The following SGIP1 variants were observed in gnomAD, a reference collection of about 807,000 sequenced individuals.
The protein encoded by SGIP1 is SH3GL interacting endocytic adaptor 1.
Under a neutral mutation model 107.5 loss-of-function variants are expected in SGIP1, and 38 were observed. The ratio of observed to expected loss-of-function variants is 0.35; its 90% CI spans 0.27 to 0.46. The LOEUF (loss-of-function observed/expected upper bound fraction) is 0.46. Ranked by LOEUF, SGIP1 falls within the 20% of genes least tolerant of loss-of-function variation. SGIP1 has a pLI of 1.00. For synonymous variants in SGIP1, 365 were observed against 366.1 expected (o/e 1.00, Z 0.03); for missense variants, 929 against 1,019.5 (o/e 0.91, Z 1.21).
At chr1:66,643,189 A>G (rs547102642) in intron 6 of SGIP1, among the ~76,000 whole-genome samples, 1 of 144,174 alleles carries the variant, frequency 6.9e-6, no homozygotes, top group Admixed American at 7.0e-5. Context: ...AAAGCATGTC[A>G]CACTGATGCA....
chr1:66,702,058 A>G (rs938289472), intron 18 of SGIP1, among the ~76,000 whole-genome samples: 1 of 152,204 alleles, frequency 6.6e-6, no homozygotes, highest in Non-Finnish European at 1.5e-5. Flanking sequence ...GATGCAGTGT[A>G]TCGCTGATGA....
chr1:66,735,738 T>G (rs2094204825), intron 21 of SGIP1, among the ~76,000 whole-genome samples: 1 of 62,202 alleles, frequency 1.6e-5, no homozygotes. Flanking sequence ...GAGAATGGCG[T>G]GAACCCGGGA....
chr1:66,675,432 C>A (rs1207701804), intron 12 of SGIP1, among the ~76,000 whole-genome samples: 2 of 151,842 alleles, frequency 1.3e-5, no homozygotes, highest in Non-Finnish European at 2.9e-5. Flanking sequence ...ATCACACTAG[C>A]TTTTTCGATA....
intron 7 of SGIP1, among the ~76,000 whole-genome samples, chr1:66,654,766 A>G (rs1242969283): frequency 6.6e-6 from 1 of 152,210 alleles, no homozygotes; most frequent in Non-Finnish European, 1.5e-5. Context: ...TGTCTAAAGG[A>G]CAGCCTCTAA....
Position 66,679,718 on chromosome 1 carries a change from A to T in SGIP1, c.780A>T (p.Pro260=), listed in dbSNP as rs1488969653. The T allele has an allele frequency of 1.2e-6, 2 of 1,604,500 alleles. No homozygotes were observed. Among genetic ancestry groups the T allele is most frequent in the Admixed American group, 3.5e-5 (2 of 57,318 alleles). Residue 260 remains proline (P), a synonymous_variant, in exon 14 of 25, where the codon CCA becomes CCT. Transcript: ENST00000371037. ...PLPPKNVPAT[P]PRTGSPLTIG... is the part of the protein sequence containing the mutation. ...CTCCAAAAAATGTACCAGCTACCCC[A>T]CCCCGAACAGGATCCCCCTTAACAA... is the stretch of plus-strand genomic sequence containing the variant.
chr1:66,615,570 A>G (rs2069078343), intron 1 of SGIP1, among the ~76,000 whole-genome samples: 1 of 152,228 alleles, frequency 6.6e-6, no homozygotes, highest in South Asian at 2.1e-4. Flanking sequence ...AAGGGCATAT[A>G]GAAAAGCATT....
intron 1 of SGIP1, among the ~76,000 whole-genome samples, chr1:66,549,712 T>C (rs1431484789): frequency 6.6e-6 from 1 of 152,182 alleles, no homozygotes; most frequent in Non-Finnish European, 1.5e-5. Flanking sequence ...AAAATGTTTT[T>C]TTACAATACT....
chr1:66,625,939 A>G (rs938194998), intron 2 of SGIP1, 29 bp downstream of exon 2: 1 of 1,588,846 alleles, frequency 6.3e-7, no homozygotes, highest in Non-Finnish European at 8.6e-7. Flanking sequence ...TGCCTCCTCG[A>G]AGAAGCTATT....
chr1:66,719,613 T>C lies in SGIP1; in HGVS notation c.1742+208T>C, dbSNP rs74085063. ...AAAAATGTATCAAGAGAATTTACTC[T>C]AGAAATCTTTGATTCCATTTTGGTT... On this transcript the variant is annotated intron_variant, in intron 19 of 24. Transcript: ENST00000371037. Among the ~76,000 whole-genome samples the C allele has an allele frequency of 3.3e-3, 502 of 152,318 alleles. 2 individuals carry two copies. Among genetic ancestry groups the C allele is most frequent in the African/African-American group, 0.011 (448 of 41,574 alleles).
rs1043032170 is a variant in SGIP1 at position 66,743,905 on chromosome 1, C to T, written c.*810C>T. 15 of 152,472 alleles carry T rather than the reference C, an allele frequency of 9.8e-5. No individual in the cohort carries two copies. The highest frequency in any genetic ancestry group is 3.3e-4 in the Admixed American group (5 of 15,278). 9.4% of individuals were successfully genotyped at this position (152,472 alleles called of 1,614,324 possible). ...TGAAGTCTTAACTACTTGCCCCTCT[C>T]TACAGTTTCGCAAATGTGGGGATTG... is the stretch of plus-strand genomic sequence containing the variant. On this transcript the variant is annotated 3_prime_UTR_variant, in exon 25 of 25. Coordinates refer to ENST00000371037, the MANE Select transcript of SGIP1 (RefSeq NM_032291.4).
At chr1:66,636,116 T>G in intron 4 of SGIP1, 101 bp downstream of exon 4, 1 of 1,146,054 alleles carries the variant, frequency 8.7e-7, no homozygotes, top group Non-Finnish European at 1.3e-6. Context: ...TTTCATTTAC[T>G]CCATTTAAGA....
chr1:66,720,195 A>G (rs2093456249), intron 19 of SGIP1, among the ~76,000 whole-genome samples: 1 of 152,170 alleles, frequency 6.6e-6, no homozygotes, highest in Admixed American at 6.5e-5. Context: ...CTATAAAAAG[A>G]GTCTATAATA....
At chr1:66,701,172 T>A (rs1473586029) in intron 18 of SGIP1, among the ~76,000 whole-genome samples, 2 of 152,178 alleles carry the variant, frequency 1.3e-5, no homozygotes, top group Non-Finnish European at 2.9e-5. Flanking sequence ...ATTTCTCACA[T>A]GCAGCCACAA....
chr1:66,557,117 G>T (rs1396372035), intron 1 of SGIP1, among the ~76,000 whole-genome samples: 1 of 152,116 alleles, frequency 6.6e-6, no homozygotes, highest in Non-Finnish European at 1.5e-5. Context: ...GTCAGTCAGA[G>T]AATATACCTA....
intron 1 of SGIP1, among the ~76,000 whole-genome samples, chr1:66,593,150 A>G (rs1425983582): frequency 6.6e-6 from 1 of 151,766 alleles, no homozygotes; most frequent in Non-Finnish European, 1.5e-5. Context: ...ACTGAATAAT[A>G]TTCCACGGTC....
At chr1:66,541,850 A>G (rs116493854) in intron 1 of SGIP1, among the ~76,000 whole-genome samples, 2,445 of 152,268 alleles carry the variant, frequency 0.016, 52 homozygotes, top group African/African-American at 0.055. Flanking sequence ...AGTGTTTCTG[A>G]TATCTCAGTT....
rs1484305010 is a variant in SGIP1, at chr1:66,703,902, G to A, written c.1630+8409G>A. Among the ~76,000 whole-genome samples, 6 of 151,846 alleles carry A rather than the reference G, an allele frequency of 4.0e-5. No individual in the cohort carries two copies. In the East Asian group the frequency reaches 9.7e-4, roughly 24 times the overall value. Reference sequence around the variant, plus strand: ...TGTGTGTGTGTGTGTGTGTGTATGCGTTTATGCATGAGCTCTGGAATAAGC... The same window carrying A: ...TGTGTGTGTGTGTGTGTGTGTATGCATTTATGCATGAGCTCTGGAATAAGC... On this transcript the variant is annotated intron_variant, in intron 18 of 24. Coordinates refer to ENST00000371037, the MANE Select transcript of SGIP1 (RefSeq NM_032291.4).
intron 23 of SGIP1, among the ~76,000 whole-genome samples, 194 bp from the exon 24 acceptor site, chr1:66,741,078 A>G (rs1392826343): frequency 6.6e-6 from 1 of 152,218 alleles, no homozygotes. Context: ...ATTTTGAGGT[A>G]CCATCTCATG....
chr1:66,646,382 T>C (rs1312660627), intron 7 of SGIP1, among the ~76,000 whole-genome samples: 2 of 152,204 alleles, frequency 1.3e-5, no homozygotes, highest in Non-Finnish European at 2.9e-5. Flanking sequence ...GTTTTTATAC[T>C]ACAAAAGCAT....
Sources: allele counts gnomAD v4.1 joint callset (sites outside exome capture counted in the v4.1 genomes callset), GRCh38; gene constraint gnomAD v4.1.1; transcripts MANE v1.5; gene names NCBI Gene and HGNC (gene_info 2026-07-23, HGNC 2026-07-21).